The following ZFHX3 variants were observed in gnomAD, a reference collection of about 807,000 sequenced individuals.
ZFHX3 encodes zinc finger homeobox 3.
A neutral mutation model predicts 279.1 loss-of-function variants in ZFHX3; 42 were observed. The ratio of observed to expected loss-of-function variants is 0.15; its 90% CI spans 0.12 to 0.19. The LOEUF (loss-of-function observed/expected upper bound fraction) is 0.19, where lower values mean the gene tolerates loss of function less well. Ranked by LOEUF, ZFHX3 falls within the 10% of genes least tolerant of loss-of-function variation. The pLI is 1.00. For synonymous variants in ZFHX3, 2,293 were observed against 1,957.8 expected (o/e 1.17, Z -4.52); for missense variants, 4,981 against 4,754.0 (o/e 1.05, Z -1.40).
chr16:73,466,475 C>A (rs2018572341), intron 2 of ZFHX3, among the ~76,000 whole-genome samples: 2 of 152,160 alleles, frequency 1.3e-5, no homozygotes, highest in South Asian at 4.1e-4. Flanking sequence ...GAGTGAGACC[C>A]TGTTTCAAAA....
intron 3 of ZFHX3, among the ~76,000 whole-genome samples, chr16:72,947,266 A>T (rs1960729535): frequency 6.6e-6 from 1 of 152,222 alleles, no homozygotes; most frequent in South Asian, 2.1e-4. Context: ...GTTGAACCTA[A>T]TCCTGATTTA....
intron 1 of ZFHX3, among the ~76,000 whole-genome samples, chr16:73,767,682 C>T (rs2053966334): frequency 6.6e-6 from 1 of 152,134 alleles, no homozygotes; most frequent in Non-Finnish European, 1.5e-5. Context: ...CTTCCTGTGT[C>T]CATTCTTTTC....
chr16:73,003,561 C>T (rs1338882636), intron 1 of ZFHX3, among the ~76,000 whole-genome samples: 1 of 129,522 alleles, frequency 7.7e-6, no homozygotes, highest in Non-Finnish European at 1.6e-5. Flanking sequence ...AAAAAATTAG[C>T]TGGGAGTGAT....
At chr16:73,453,924 C>T (rs1345738428) in intron 3 of ZFHX3, among the ~76,000 whole-genome samples, 2 of 152,134 alleles carry the variant, frequency 1.3e-5, no homozygotes, top group East Asian at 1.9e-4. Flanking sequence ...CCCACCAGGT[C>T]CCTCCCACAA....
intron 1 of ZFHX3, among the ~76,000 whole-genome samples, chr16:73,756,282 G>T (rs991562367): frequency 2.0e-5 from 3 of 152,168 alleles, no homozygotes; most frequent in Non-Finnish European, 4.4e-5. Flanking sequence ...AACCGTTTTT[G>T]TTGGAGGGGT....
chr16:72,819,543 T>C (rs1231325511), intron 5 of ZFHX3, among the ~76,000 whole-genome samples: 3 of 152,168 alleles, frequency 2.0e-5, no homozygotes, highest in African/African-American at 4.8e-5. Flanking sequence ...TCCCAAGTAA[T>C]GCTGATGGTC....
intron 5 of ZFHX3, among the ~76,000 whole-genome samples, chr16:73,244,153 G>T (rs989148107): frequency 2.0e-5 from 3 of 152,192 alleles, no homozygotes; most frequent in African/African-American, 7.2e-5. Flanking sequence ...GCAAGGATGG[G>T]AAGTGGCAGC....
chr16:73,011,249 G>T (rs1210222544), intron 1 of ZFHX3, among the ~76,000 whole-genome samples: 1 of 151,950 alleles, frequency 6.6e-6, no homozygotes, highest in East Asian at 1.9e-4. Context: ...CTCCCAATGT[G>T]CTGGGATTAC....
At chr16:72,936,903 G>T (rs1960154482) in intron 3 of ZFHX3, among the ~76,000 whole-genome samples, 1 of 152,146 alleles carries the variant, frequency 6.6e-6, no homozygotes, top group Non-Finnish European at 1.5e-5. Context: ...AGACGATGGG[G>T]GCTGGCCTGG....
chr16:73,485,151 A>G (rs1374352748), intron 2 of ZFHX3, among the ~76,000 whole-genome samples: 2 of 152,196 alleles, frequency 1.3e-5, no homozygotes, highest in Non-Finnish European at 2.9e-5. Flanking sequence ...GCAAAGTCAA[A>G]TAGAGGGTTG....
At chr16:73,770,210 A>G (rs1360825889) in intron 1 of ZFHX3, among the ~76,000 whole-genome samples, 1 of 152,242 alleles carries the variant, frequency 6.6e-6, no homozygotes, top group Non-Finnish European at 1.5e-5. Flanking sequence ...GGGTGACTTA[A>G]GAATCAGAGT....
At chr16:73,250,984 C>T (rs1419006340) in intron 5 of ZFHX3, among the ~76,000 whole-genome samples, 1 of 152,150 alleles carries the variant, frequency 6.6e-6, no homozygotes, top group African/African-American at 2.4e-5. Context: ...CATCTGCAAT[C>T]TGAGTCATGT....
chr16:73,798,365 T>C (rs553679068), intron 1 of ZFHX3, among the ~76,000 whole-genome samples: 2 of 151,030 alleles, frequency 1.3e-5, no homozygotes, highest in African/African-American at 2.4e-5. Context: ...GGTGAGAAGT[T>C]AACAAGGTGG....
chr16:72,976,755 C>G (rs1962364992), intron 1 of ZFHX3, among the ~76,000 whole-genome samples: 1 of 152,224 alleles, frequency 6.6e-6, no homozygotes, highest in African/African-American at 2.4e-5. Context: ...TCACAGTGAA[C>G]TGACTGAGGT....
intron 4 of ZFHX3, among the ~76,000 whole-genome samples, chr16:72,855,831 G>A (rs2037741292): frequency 6.6e-6 from 1 of 152,176 alleles, no homozygotes; most frequent in Non-Finnish European, 1.5e-5. Flanking sequence ...GCCTAGATAA[G>A]TTGTTGACAA....
At chr16:73,246,051 G>A (rs1223963546) in intron 5 of ZFHX3, among the ~76,000 whole-genome samples, 3 of 152,112 alleles carry the variant, frequency 2.0e-5, no homozygotes, top group Non-Finnish European at 4.4e-5. Context: ...GATGTAGTAA[G>A]GAAGCTCCAC....
intron 6 of ZFHX3, among the ~76,000 whole-genome samples, chr16:73,140,671 C>T (rs540843842): frequency 1.3e-5 from 2 of 152,310 alleles, no homozygotes; most frequent in South Asian, 4.1e-4. Context: ...GCCTGGCCAA[C>T]ATGGCGTAAC....
At chr16:73,238,365 T>C (rs1387028682) in intron 5 of ZFHX3, among the ~76,000 whole-genome samples, 1 of 152,154 alleles carries the variant, frequency 6.6e-6, no homozygotes, top group Admixed American at 6.5e-5. Flanking sequence ...GTTACCTCCT[T>C]GGGATGGTCC....
intron 1 of ZFHX3, among the ~76,000 whole-genome samples, chr16:73,021,345 C>T (rs1431587791): frequency 6.6e-6 from 1 of 152,178 alleles, no homozygotes; most frequent in Non-Finnish European, 1.5e-5. Flanking sequence ...TCACCCTTGA[C>T]TCTATGTCCT....
Sources: gnomAD v4.1 joint callset for allele counts (sites outside exome capture counted in the v4.1 genomes callset) on GRCh38, gnomAD v4.1.1 for gene constraint, MANE v1.5 for transcripts, NCBI Gene and HGNC (gene_info 2026-07-23, HGNC 2026-07-21) for gene names.